Variants in CHST15 observed in about 807,000 individuals in gnomAD.
CHST15 encodes the protein carbohydrate sulfotransferase 15, also known as B cell RAG associated protein (GALNAC4S-6ST).
A neutral mutation model predicts 53.6 loss-of-function variants in CHST15; 30 were observed. That is an observed-to-expected ratio of 0.56 (90% CI 0.42 to 0.76). The LOEUF is 0.76. Among genes scored for constraint, CHST15 ranks in the 30% least tolerant of loss-of-function variants. The probability of loss-of-function intolerance (pLI) is 0.00; values close to 1 mark genes in which losing one functional copy is unlikely to be tolerated. For synonymous variants in CHST15, 296 were observed against 289.8 expected (o/e 1.02, Z -0.22); for missense variants, 627 against 740.5 (o/e 0.85, Z 1.78).
Position 124,012,371 on chromosome 10 carries a change from T to C in CHST15, c.1457A>G (p.Lys486Arg). ...LRLEDHASNV[K>R]YTMHKVFQFL... ...CTGGAAGACCTTGTGCATGGTGTAC[T>C]TGACGTTGGATGCATGATCTTCCAG... Residue 486 changes from lysine (K) to arginine (R), a missense_variant, in exon 7 of 8, where the codon AAG becomes AGG. By Grantham distance (26) the Lys-to-Arg change is conservative. Around this residue, in one of 3 missense-constraint regions of CHST15, gnomAD observed 279 missense variants for 371.6 expected, o/e 0.75. Transcript: ENST00000435907. The C allele has an allele frequency of 6.2e-7, 1 of 1,614,182 alleles. No homozygotes were observed. The highest frequency in any genetic ancestry group is 8.5e-7 in the Non-Finnish European group (1 of 1,180,038).
intron 1 of CHST15, among the ~76,000 whole-genome samples, chr10:124,073,726 C>T (rs765642513): frequency 1.1e-4 from 17 of 152,204 alleles, no homozygotes; most frequent in South Asian, 2.1e-4. Flanking sequence ...ACCATGAAGG[C>T]GAATGTTCTC....
intron 3 of CHST15, 54 bp from the exon 4 acceptor site, chr10:124,042,501 C>T (rs1947781507): frequency 2.5e-6 from 4 of 1,585,412 alleles, no homozygotes; most frequent in African/African-American, 1.3e-5. Context: ...ACTGCTGGAG[C>T]GATGGCCTCC....
intron 1 of CHST15, among the ~76,000 whole-genome samples, chr10:124,057,313 C>T (rs747314085): frequency 1.3e-5 from 2 of 152,188 alleles, no homozygotes; most frequent in East Asian, 1.9e-4. Context: ...TTGCAGTGAG[C>T]GTTGACTAGC....
At chr10:124,082,549 GA>G (rs1949279735) in intron 1 of CHST15, among the ~76,000 whole-genome samples, 1 of 151,958 alleles carries the variant, frequency 6.6e-6, no homozygotes, top group Non-Finnish European at 1.5e-5. Context: ...AGAAGAAAGT[GA>G]AAACGTCTCA....
chr10:124,038,128 A>G (rs1406060641), intron 5 of CHST15, among the ~76,000 whole-genome samples: 1 of 145,482 alleles, frequency 6.9e-6, no homozygotes, highest in Admixed American at 6.9e-5. Context: ...TTTTTTTGAG[A>G]TGGAGTCTCA....
intron 1 of CHST15, among the ~76,000 whole-genome samples, chr10:124,056,313 C>T (rs1440548802): frequency 1.3e-5 from 2 of 152,180 alleles, no homozygotes; most frequent in African/African-American, 4.8e-5. Context: ...GGGAAGCATC[C>T]CAGGAGGCAG....
chr10:124,092,964 G>C (rs1265037793), intron 1 of CHST15, among the ~76,000 whole-genome samples: 1 of 152,202 alleles, frequency 6.6e-6, no homozygotes, highest in African/African-American at 2.4e-5. Context: ...TGCGCCCCCC[G>C]CCGGCCTCCG....
intron 3 of CHST15, 68 bp from the exon 4 acceptor site, chr10:124,042,515 A>G: frequency 6.4e-7 from 1 of 1,559,246 alleles, no homozygotes; most frequent in Non-Finnish European, 8.8e-7. Flanking sequence ...GGCCTCCCAG[A>G]CAGCAACCAA....
chr10:124,049,171 G>T (rs992397760), intron 1 of CHST15, among the ~76,000 whole-genome samples: 2 of 152,208 alleles, frequency 1.3e-5, no homozygotes, highest in Admixed American at 6.5e-5. Flanking sequence ...GCTGAGTGTT[G>T]CGCATGTCCA....
At chr10:124,037,348 G>A (rs564685179) in intron 5 of CHST15, among the ~76,000 whole-genome samples, 4 of 152,250 alleles carry the variant, frequency 2.6e-5, no homozygotes, top group South Asian at 4.1e-4. Context: ...TTTAAATATC[G>A]CCAGCCTCTC....
chr10:124,045,125 A>AAAAAAAAAAAAAAAAAAAAAAAC (rs1947929528), intron 2 of CHST15, among the ~76,000 whole-genome samples: 1 of 103,474 alleles, frequency 9.7e-6, no homozygotes, highest in Non-Finnish European at 1.9e-5. Context: ...AAAAAAAAAA[A>AAAAAAAAAAAAAAAAAAAAAAAC]AAAAAAAAAA....
At chr10:124,071,383 C>T (rs2134160153) in intron 1 of CHST15, among the ~76,000 whole-genome samples, 1 of 152,310 alleles carries the variant, frequency 6.6e-6, no homozygotes, top group Non-Finnish European at 1.5e-5. Context: ...CCCACGTGAG[C>T]CAAACAAGGG....
intron 1 of CHST15, among the ~76,000 whole-genome samples, chr10:124,052,901 C>T (rs145612225): frequency 1.3e-3 from 196 of 151,742 alleles, no homozygotes; most frequent in African/African-American, 3.9e-3. Flanking sequence ...GGATTGGTGG[C>T]GCACACCTGT....
At chr10:124,010,549 CG>C (rs1946381900) in intron 7 of CHST15, 1 of 985,318 alleles carries the variant, frequency 1.0e-6, no homozygotes, top group Non-Finnish European at 1.2e-6. Context: ...AGAAATTCTG[CG>C]GCGGGTGCAG....
Position 124,019,980 on chromosome 10 carries a change from T to A in CHST15, c.1347+1276A>T. The A allele has an allele frequency of 1.0e-6, 1 of 985,688 alleles. No homozygotes were observed. Among genetic ancestry groups the A allele is most frequent in the Non-Finnish European group, 1.2e-6 (1 of 830,162 alleles). The allele number at this position is 985,688 out of a possible 1,614,324, so 61.1% of individuals were successfully genotyped here. A position where few individuals can be genotyped will look rare whatever the true frequency, so the allele number is the denominator to read the frequency against. On this transcript the variant is annotated intron_variant, in intron 6 of 7. Transcript: ENST00000435907. The surrounding 1 kb of genome is among the most constrained non-coding windows in gnomAD (Gnocchi z 4.6). ...TCTCCTTCAGGCCTCAGCACAGACA[T>A]TCCCTCTCCTAAGAACCTGCCTGAA...
intron 5 of CHST15, among the ~76,000 whole-genome samples, chr10:124,023,478 C>A (rs578084900): frequency 7.1e-6 from 1 of 140,038 alleles, no homozygotes; most frequent in African/African-American, 2.7e-5. Context: ...GGAGTGAGAA[C>A]CTCTCTCAAA....
intron 5 of CHST15, among the ~76,000 whole-genome samples, 172 bp from the exon 6 acceptor site, chr10:124,021,584 C>T (rs1946793355): frequency 1.3e-5 from 2 of 152,292 alleles, no homozygotes; most frequent in East Asian, 1.9e-4. Flanking sequence ...TCCGAGCTCC[C>T]GCCCTTCTCG....
In CHST15 at chr10:124,042,353, T is replaced by C. The variant is rs1316528119; in HGVS notation, c.981A>G (p.Gly327=). 2.5e-6 allele frequency: 4 copies of C among 1,614,042 alleles called. No homozygotes were observed. The East Asian group carries it at 6.7e-5, about 27-fold the overall frequency. ...FDLAAHQIHQ[G]LQASSAKEQS... ...GCTCCTTTGCAGAGCTGGCCTGCAGTCCTTGATGGATCTGGTGTGCGGCCA... is the reference window on the plus strand; with the variant it reads ...GCTCCTTTGCAGAGCTGGCCTGCAGCCCTTGATGGATCTGGTGTGCGGCCA... The change falls in exon 4 of 8, where the codon GGA becomes GGG. Residue 327 remains glycine, a synonymous_variant. Transcript: ENST00000435907.
At chr10:124,041,427 A>G (rs1947736487) in intron 4 of CHST15, among the ~76,000 whole-genome samples, 1 of 152,228 alleles carries the variant, frequency 6.6e-6, no homozygotes, top group Non-Finnish European at 1.5e-5. Flanking sequence ...GCAAATAACA[A>G]GTCTAGAGAT....
Sources: allele counts gnomAD v4.1 joint callset (sites outside exome capture counted in the v4.1 genomes callset), GRCh38; gene constraint gnomAD v4.1.1; regional missense constraint gnomAD v4.1.1; non-coding constraint Gnocchi (gnomAD v3.1); transcripts MANE v1.5; gene names NCBI Gene and HGNC (gene_info 2026-07-23, HGNC 2026-07-21).